Variants in STK32A observed in about 807,000 individuals in gnomAD.
STK32A encodes the protein serine/threonine-protein kinase 32A.
STK32A carries 41 observed loss-of-function variants against 53.2 expected under a neutral mutation model. That is an observed-to-expected ratio of 0.77 (90% confidence interval 0.60 to 1.00). The LOEUF is 1.00. Ranked by LOEUF, STK32A falls within the 50% of genes least tolerant of loss-of-function variation. The pLI, the probability that STK32A is intolerant of heterozygous loss-of-function variation, is 0.00. For missense variants in STK32A, 458 were observed against 485.8 expected (o/e 0.94, Z 0.54); for synonymous variants, 166 against 162.8 (o/e 1.02, Z -0.15).
chr5:147,313,591 C>T (rs1339696650), intron 4 of STK32A, among the ~76,000 whole-genome samples: 1 of 152,148 alleles, frequency 6.6e-6, no homozygotes, highest in Non-Finnish European at 1.5e-5. Flanking sequence ...ATCCAAGGGA[C>T]TCAAAATTCA....
At chr5:147,287,807 C>T (rs1396081555) in intron 4 of STK32A, among the ~76,000 whole-genome samples, 1 of 152,058 alleles carries the variant, frequency 6.6e-6, no homozygotes, top group Non-Finnish European at 1.5e-5. Flanking sequence ...TCACAACCTC[C>T]CTTTGTTCAA....
chr5:147,390,942 A>T (rs1757780031), downstream of STK32A: 1 of 152,662 alleles, frequency 6.6e-6, no homozygotes, highest in Admixed American at 6.5e-5. Flanking sequence ...CACGTTCCAG[A>T]GCTGCCTCAC....
chr5:147,290,798 G>T (rs528458685), intron 4 of STK32A, among the ~76,000 whole-genome samples: 4 of 152,154 alleles, frequency 2.6e-5, no homozygotes, highest in African/African-American at 9.6e-5. Context: ...ATTAAGTATC[G>T]AGTTTGCTGG....
intron 5 of STK32A, among the ~76,000 whole-genome samples, chr5:147,336,461 G>A (rs1360178189): frequency 6.6e-6 from 1 of 152,054 alleles, no homozygotes; most frequent in Non-Finnish European, 1.5e-5. Flanking sequence ...TGACTGTGCT[G>A]TTCTGGTTGT....
chr5:147,278,173 T>G lies in STK32A; in HGVS notation c.102T>G (p.Phe34Leu), dbSNP rs1172650573. Residue 34 changes from phenylalanine to leucine, a missense_variant, in exon 3 of 13, where the codon TTT becomes TTG. By Grantham distance (22) the Phe-to-Leu change is conservative (BLOSUM62 0). Coordinates refer to ENST00000397936, the MANE Select transcript of STK32A (RefSeq NM_001112724.2). Reference sequence around the variant, plus strand: ...TGCGAGCCATTGGGAAAGGCAGTTTTGGGAAGGTGAGAACAAATTGAAATG... The same window carrying G: ...TGCGAGCCATTGGGAAAGGCAGTTTGGGGAAGGTGAGAACAAATTGAAATG... The part of the protein sequence containing the change: ...EILRAIGKGS[F>L]GKVCIVQKND... The G allele has an allele frequency of 1.9e-6, 3 of 1,599,038 alleles. No individual in the cohort carries two copies. The Middle Eastern group carries it at 5.0e-4, about 265-fold the overall frequency.
chr5:147,306,990 G>C (rs1753438504), intron 4 of STK32A, among the ~76,000 whole-genome samples: 1 of 152,090 alleles, frequency 6.6e-6, no homozygotes, highest in South Asian at 2.1e-4. Flanking sequence ...GGAGTTTCTT[G>C]TCATATGTTG....
the STK32A span, chr5:147,397,683 T>C: frequency 6.2e-6 from 10 of 1,613,860 alleles, no homozygotes; most frequent in East Asian, 2.2e-5. Flanking sequence ...CGTGCTTTAA[T>C]GCGCTTGTAG....
intron 2 of STK32A, among the ~76,000 whole-genome samples, chr5:147,269,112 C>A (rs1006087716): frequency 1.3e-5 from 2 of 152,140 alleles, no homozygotes; most frequent in African/African-American, 4.8e-5. Flanking sequence ...GCAGTTTGTT[C>A]ACCTAAAAAC....
intron 2 of STK32A, among the ~76,000 whole-genome samples, chr5:147,264,422 G>A (rs1754717200): frequency 6.6e-6 from 1 of 152,202 alleles, no homozygotes; most frequent in Non-Finnish European, 1.5e-5. Context: ...CTAGACAACT[G>A]GAGAAGGGTT....
intron 8 of STK32A, among the ~76,000 whole-genome samples, chr5:147,365,595 A>G (rs1756706576): frequency 6.6e-6 from 1 of 152,164 alleles, no homozygotes; most frequent in Non-Finnish European, 1.5e-5. Context: ...ACTTAAAAGT[A>G]GAAACATATC....
chr5:147,324,602 C>T (rs1260556789), intron 5 of STK32A, among the ~76,000 whole-genome samples: 3 of 151,956 alleles, frequency 2.0e-5, no homozygotes, highest in Non-Finnish European at 2.9e-5. Context: ...CATAAGAAAC[C>T]ATAAAGCTAT....
intron 1 of STK32A, among the ~76,000 whole-genome samples, chr5:147,236,291 G>A (rs1561658950): frequency 1.3e-5 from 2 of 152,154 alleles, no homozygotes; most frequent in Admixed American, 1.3e-4. Flanking sequence ...GTCCCTGCAA[G>A]ACAAATTTCT....
chr5:147,251,336 G>A (rs1029226699), intron 2 of STK32A, among the ~76,000 whole-genome samples: 1 of 152,200 alleles, frequency 6.6e-6, no homozygotes, highest in African/African-American at 2.4e-5. Flanking sequence ...ATGTGAAAAT[G>A]TACTTTACTA....
chr5:147,383,195 A>C, intron 11 of STK32A: 2 of 513,284 alleles, frequency 3.9e-6, no homozygotes, highest in Non-Finnish European at 3.4e-6. Context: ...CCAGAGTTCT[A>C]AAATAGTGAC....
At chr5:147,271,000 ATTT>A (rs10590732) in intron 2 of STK32A, among the ~76,000 whole-genome samples, 87,616 of 148,558 alleles carry the variant, frequency 0.59, 25,874 homozygotes, top group African/African-American at 0.67. Flanking sequence ...ATCATAGATA[ATTT>A]TTTTTTTTTT....
the STK32A span, among the ~76,000 whole-genome samples, chr5:147,400,189 A>G: frequency 1.3e-5 from 2 of 152,238 alleles, no homozygotes; most frequent in Non-Finnish European, 2.9e-5. Context: ...TGATGTGAAC[A>G]AGGAAAATAA....
chr5:147,253,499 C>T (rs577521159), intron 2 of STK32A, among the ~76,000 whole-genome samples: 49 of 152,168 alleles, frequency 3.2e-4, no homozygotes, highest in East Asian at 9.7e-4. Context: ...TTTTTCTGTA[C>T]GCACTACCAC....
chr5:147,355,796 A>C (rs1001456905), intron 7 of STK32A, among the ~76,000 whole-genome samples: 1 of 144,688 alleles, frequency 6.9e-6, no homozygotes, highest in African/African-American at 2.7e-5. Context: ...GTGTGTGTAT[A>C]TATATATATA....
At position 147,351,043 on chromosome 5, in the gene STK32A, T is replaced by G. The variant is rs377651487; in HGVS notation, c.473-22T>G. Reference sequence around the variant, plus strand: ...GGGTTGAATGGGACTTAACTTTCTGTGTGGTTCTTCTCTCTCTGCAGGGCA... The same window carrying G: ...GGGTTGAATGGGACTTAACTTTCTGGGTGGTTCTTCTCTCTCTGCAGGGCA... On this transcript the variant is annotated intron_variant, in intron 6 of 12. Coordinates refer to ENST00000397936, the MANE Select transcript of STK32A (RefSeq NM_001112724.2). 2.5e-6 allele frequency: 4 copies of G among 1,608,606 alleles called. No individual in the cohort carries two copies. The African/African-American group carries it at 5.3e-5, about 22-fold the overall frequency.
Sources: gnomAD v4.1 joint callset for allele counts (sites outside exome capture counted in the v4.1 genomes callset) on GRCh38, gnomAD v4.1.1 for gene constraint, MANE v1.5 for transcripts, NCBI Gene and HGNC (gene_info 2026-07-23, HGNC 2026-07-21) for gene names.